PDE4DIP: variants seen among roughly 807,000 people sequenced by gnomAD.
PDE4DIP encodes myomegalin.
In PDE4DIP, 59 loss-of-function variants were observed where a neutral mutation model predicts 221.4. That is an observed-to-expected ratio of 0.27 (90% CI 0.22 to 0.33). PDE4DIP has a LOEUF of 0.33. PDE4DIP is among the 10% of genes least tolerant of loss of function. The pLI is 1.00. For missense variants in PDE4DIP, 1,036 were observed against 2,154.2 expected (o/e 0.48, Z 10.28); for synonymous variants, 404 against 815.9 (o/e 0.50, Z 8.60).
intron 5 of PDE4DIP, among the ~76,000 whole-genome samples, chr1:148,940,179 AC>A (rs2050202052): frequency 6.9e-6 from 1 of 144,114 alleles, no homozygotes; most frequent in African/African-American, 2.6e-5. Context: ...TTGGTTTGGT[AC>A]CAGTTTTCAG....
intron 1 of PDE4DIP, among the ~76,000 whole-genome samples, chr1:148,815,567 A>AG (rs1553355531): frequency 9.7e-6 from 1 of 103,292 alleles, no homozygotes. Flanking sequence ...AAAAAAAAAA[A>AG]GAACTAAATA....
chr1:148,992,030 G>A (rs781925169), intron 22 of PDE4DIP, 57 bp downstream of exon 25: 4 of 638,022 alleles, frequency 6.3e-6, no homozygotes, highest in Admixed American at 5.8e-5. Context: ...GCCCTTCTGA[G>A]GTCTGATAGT....
chr1:149,023,618 A>G (rs1341023638), intron 37 of PDE4DIP, among the ~76,000 whole-genome samples: 6 of 145,386 alleles, frequency 4.1e-5, no homozygotes, highest in Non-Finnish European at 9.1e-5. Context: ...GTGCACATAT[A>G]TATGTACATG....
At chr1:148,989,136 A>G (rs1383262837) in intron 21 of PDE4DIP, 1 of 306,042 alleles carries the variant, frequency 3.3e-6, no homozygotes. Context: ...TGGACCTTGT[A>G]TGAGATAACT....
At chr1:148,844,444 G>A (rs1553380394) in intron 1 of PDE4DIP, 1 of 188,336 alleles carries the variant, frequency 5.3e-6, no homozygotes, top group African/African-American at 2.8e-5. Context: ...GTCTCAGCCT[G>A]GAGAGTGCGC....
At chr1:149,030,146 T>C in intron 42 of PDE4DIP, 86 bp from the exon 46 acceptor site, 2 of 1,161,152 alleles carry the variant, frequency 1.7e-6, no homozygotes, top group Non-Finnish European at 2.5e-6. Flanking sequence ...CAGAAAGAAA[T>C]AAATGCTTTA....
intron 21 of PDE4DIP, chr1:148,991,671 T>C (rs1293656303): frequency 3.3e-6 from 1 of 304,466 alleles, no homozygotes; most frequent in Admixed American, 6.5e-5. Context: ...CAGCTTATGT[T>C]GTGAGGCTCA....
intron 1 of PDE4DIP, among the ~76,000 whole-genome samples, chr1:148,823,771 A>T (rs1166550249): frequency 6.6e-6 from 1 of 150,438 alleles, no homozygotes; most frequent in Non-Finnish European, 1.5e-5. Context: ...CATTGTTTGC[A>T]CATATCTTCA....
In PDE4DIP at chr1:149,012,805, G is replaced by A. The variant is rs372563722; in HGVS notation, c.5266+29G>A. The A allele has an allele frequency of 9.2e-6, 13 of 1,412,380 alleles. No homozygotes were observed. In the South Asian group the frequency reaches 1.3e-4, roughly 14 times the overall value. The allele number at this position is 1,412,380 out of a possible 1,614,324, so 87.5% of individuals were successfully genotyped here. On this transcript the variant is annotated intron_variant, in intron 32 of 43. Transcript: ENST00000369354. ...AGCACTTCTGCATTTGTGTGCTTGC[G>A]ATTGGCAGCCCCACACTGTGTTGCT...
chr1:148,932,926 A>T (rs1419703415), intron 4 of PDE4DIP, among the ~76,000 whole-genome samples: 5 of 152,192 alleles, frequency 3.3e-5, no homozygotes, highest in Admixed American at 3.3e-4. Flanking sequence ...GACCCCAGAG[A>T]GCTAGTTAGC....
At chr1:148,919,412 T>A (rs3916177) in intron 1 of PDE4DIP, among the ~76,000 whole-genome samples, 117,732 of 149,514 alleles carry the variant, frequency 0.79, 44,245 homozygotes, top group African/African-American at 0.94. Context: ...TTTGCTCTAA[T>A]ACTTATGAAT....
At chr1:148,945,716 C>G (rs1479996010) in intron 5 of PDE4DIP, among the ~76,000 whole-genome samples, 1 of 144,594 alleles carries the variant, frequency 6.9e-6, no homozygotes, top group African/African-American at 2.6e-5. Context: ...GTGAGAAATT[C>G]AATTTCATAC....
chr1:148,927,560 G>C (rs2046993478), intron 1 of PDE4DIP, among the ~76,000 whole-genome samples: 1 of 151,934 alleles, frequency 6.6e-6, no homozygotes, highest in African/African-American at 2.4e-5. Flanking sequence ...TGTTGCCTTG[G>C]ACTTCTAGAA....
At chr1:149,026,382 T>C (rs1417627952) in intron 38 of PDE4DIP, 2 of 166,198 alleles carry the variant, frequency 1.2e-5, no homozygotes, top group African/African-American at 4.8e-5. Context: ...ACATATTACA[T>C]TTAGTTACAG....
chr1:148,912,068 C>G (rs1240124097), intron 1 of PDE4DIP, among the ~76,000 whole-genome samples: 4 of 145,174 alleles, frequency 2.8e-5, no homozygotes, highest in Admixed American at 2.0e-4. Context: ...GGGAGCCACA[C>G]GGTAGTTTGT....
chr1:148,822,515 C>A (rs1669552978), intron 1 of PDE4DIP, among the ~76,000 whole-genome samples: 1 of 151,186 alleles, frequency 6.6e-6, no homozygotes, highest in Non-Finnish European at 1.5e-5. Flanking sequence ...GATGATCATT[C>A]CAAATCCATC....
chr1:148,979,495 G>A (rs1310845560), intron 19 of PDE4DIP, among the ~76,000 whole-genome samples: 1 of 152,004 alleles, frequency 6.6e-6, no homozygotes, highest in African/African-American at 2.4e-5. Flanking sequence ...GCTTTCCTGT[G>A]CTTCCAGCTT....
chr1:148,952,134 G>C, intron 5 of PDE4DIP: 1 of 1,029,514 alleles, frequency 9.7e-7, no homozygotes. Flanking sequence ...GGATCCTTGA[G>C]GGCACTGGTG....
chr1:148,820,709 T>G (rs1158975183), intron 1 of PDE4DIP, among the ~76,000 whole-genome samples: 1 of 145,126 alleles, frequency 6.9e-6, no homozygotes, highest in African/African-American at 2.7e-5. Flanking sequence ...ACCCTACTTT[T>G]TTTTTGGGGG....
Sources: allele counts gnomAD v4.1 joint callset (sites outside exome capture counted in the v4.1 genomes callset), GRCh38; gene constraint gnomAD v4.1.1; transcripts MANE v1.5; gene names NCBI Gene and HGNC (gene_info 2026-07-23, HGNC 2026-07-21).